Variants in FBXW11 observed in about 807,000 individuals in gnomAD.
The protein encoded by FBXW11 is F-box and WD repeat domain containing 11.
Under a neutral mutation model 77.6 loss-of-function variants are expected in FBXW11, and 19 were observed. The observed-to-expected ratio is 0.24, with a 90% CI of 0.17 to 0.36. FBXW11 has a LOEUF of 0.36. Ranked by LOEUF, FBXW11 falls within the 10% of genes least tolerant of loss-of-function variation. FBXW11 has a pLI of 1.00. For missense variants in FBXW11, 334 were observed against 704.2 expected (o/e 0.47, Z 5.95); for synonymous variants, 235 against 249.4 (o/e 0.94, Z 0.54).
chr5:171,888,549 A>C (rs986168139), intron 7 of FBXW11, among the ~76,000 whole-genome samples: 3 of 152,226 alleles, frequency 2.0e-5, no homozygotes, highest in African/African-American at 7.2e-5. Flanking sequence ...GAACCCAACT[A>C]AGTTGACTAA....
chr5:171,965,052 T>A (rs1474213244), intron 1 of FBXW11, among the ~76,000 whole-genome samples: 2 of 152,052 alleles, frequency 1.3e-5, no homozygotes, highest in East Asian at 3.9e-4. Context: ...AGAAAAAAAA[T>A]AAGGATGAGA....
intron 3 of FBXW11, among the ~76,000 whole-genome samples, chr5:171,912,111 A>C (rs1374848235): frequency 6.6e-6 from 1 of 152,236 alleles, no homozygotes; most frequent in Non-Finnish European, 1.5e-5. Context: ...AAAGTGGACT[A>C]AATCCATCCC....
intron 1 of FBXW11, among the ~76,000 whole-genome samples, chr5:172,001,431 T>C (rs1033059541): frequency 4.3e-4 from 65 of 152,260 alleles, no homozygotes; most frequent in African/African-American, 1.5e-3. Flanking sequence ...TGTCTGAAAA[T>C]GATCACCAGG....
intron 1 of FBXW11, among the ~76,000 whole-genome samples, chr5:172,002,446 G>GTGTGTGTGTGTGTGTGT (rs1766464395): frequency 6.7e-6 from 1 of 149,424 alleles, no homozygotes; most frequent in African/African-American, 2.5e-5. Context: ...GTGTGTGTGT[G>GTGTGTGTGTGTGTGTGT]GTTTATTCAT....
At chr5:171,968,925 C>A (rs1420278218) in intron 1 of FBXW11, among the ~76,000 whole-genome samples, 1 of 152,198 alleles carries the variant, frequency 6.6e-6, no homozygotes, top group Non-Finnish European at 1.5e-5. Context: ...CCTTACCCTA[C>A]TTTCATTTAA....
intron 2 of FBXW11, among the ~76,000 whole-genome samples, chr5:171,940,302 T>C (rs1167640960): frequency 6.6e-6 from 1 of 152,232 alleles, no homozygotes; most frequent in Non-Finnish European, 1.5e-5. Flanking sequence ...TATATCAGTA[T>C]GGACTCACAG....
chr5:171,876,651 A>G lies in FBXW11; in HGVS notation c.972-117T>C. 7.6e-7 allele frequency: 1 copy of G among 1,309,052 alleles called. No individual in the cohort carries two copies. Among genetic ancestry groups the G allele is most frequent in the South Asian group, 1.4e-5 (1 of 71,208 alleles). 81.1% of individuals were successfully genotyped at this position (1,309,052 alleles called of 1,614,324 possible). A position where few individuals can be genotyped will look rare whatever the true frequency, so the allele number is the denominator to read the frequency against. On this transcript the variant is annotated intron_variant, in intron 8 of 13. Transcript: ENST00000517395. This position sits in a 1 kb window ranked among gnomAD's most constrained non-coding sequence, Gnocchi z 4.2. ...TGGATATAGTTTGTCTGACTCTACC[A>G]AATCTCATGTTGAAATTGATCCTCA...
intron 4 of FBXW11, 152 bp downstream of exon 4, chr5:171,910,420 T>C: frequency 1.8e-6 from 1 of 542,482 alleles, no homozygotes; most frequent in Non-Finnish European, 3.3e-6. Context: ...GATACTAAAT[T>C]ATAATTCCTC....
chr5:171,997,981 C>T (rs2113596890), intron 1 of FBXW11, among the ~76,000 whole-genome samples: 1 of 152,140 alleles, frequency 6.6e-6, no homozygotes, highest in South Asian at 2.1e-4. Flanking sequence ...ATTAATTACC[C>T]ATATTTAATT....
chr5:171,922,560 A>T (rs1761656203), intron 2 of FBXW11, among the ~76,000 whole-genome samples: 1 of 152,246 alleles, frequency 6.6e-6, no homozygotes, highest in African/African-American at 2.4e-5. Flanking sequence ...GTGCTCATAC[A>T]TTAACACAAC....
chr5:171,927,593 GC>G, intron 2 of FBXW11, among the ~76,000 whole-genome samples: 1 of 152,316 alleles, frequency 6.6e-6, no homozygotes, highest in South Asian at 2.1e-4. Context: ...ACTGAAAACT[GC>G]ATATATGTAA....
rs921297656 is a variant in FBXW11, at chr5:171,878,248, A to C, written c.853-119T>G. ...ACACACTTGGGTTACAGTAAATAAG[A>C]AACACTGAATAACAAACAGGTAAGA... On this transcript the variant is annotated intron_variant, in intron 7 of 13. Transcript: ENST00000517395. The C allele has an allele frequency of 1.5e-5, 10 of 680,334 alleles. No individual in the cohort carries two copies. In the Admixed American group the frequency reaches 2.7e-4, roughly 19 times the overall value. The allele number at this position is 680,334 out of a possible 1,614,324, so 42.1% of individuals were successfully genotyped here.
intron 1 of FBXW11, among the ~76,000 whole-genome samples, chr5:171,968,465 A>G (rs553327114): frequency 6.6e-6 from 1 of 151,774 alleles, no homozygotes; most frequent in African/African-American, 2.4e-5. Flanking sequence ...TCAAAAAAAA[A>G]AAAAAAGAAT....
At chr5:171,995,548 T>C (rs1005361699) in intron 1 of FBXW11, among the ~76,000 whole-genome samples, 11 of 151,980 alleles carry the variant, frequency 7.2e-5, no homozygotes, top group Non-Finnish European at 1.3e-4. Context: ...GGTCAGGAGA[T>C]CGAGACCATC....
intron 1 of FBXW11, among the ~76,000 whole-genome samples, chr5:171,991,465 T>C (rs1204441319): frequency 5.9e-5 from 9 of 152,212 alleles, no homozygotes; most frequent in Admixed American, 2.6e-4. Context: ...ATAGCTGGCT[T>C]GTATTTAGGC....
chr5:171,983,715 A>C (rs1324310686), intron 1 of FBXW11, among the ~76,000 whole-genome samples: 2 of 152,156 alleles, frequency 1.3e-5, no homozygotes, highest in Non-Finnish European at 2.9e-5. Flanking sequence ...GCAGAGGAAA[A>C]ACATGGTTTG....
At chr5:171,920,935 C>T (rs1232310964) in intron 2 of FBXW11, among the ~76,000 whole-genome samples, 1 of 152,018 alleles carries the variant, frequency 6.6e-6, no homozygotes, top group Non-Finnish European at 1.5e-5. Flanking sequence ...CAAACAAAAC[C>T]TGAGAAAGTG....
intron 2 of FBXW11, among the ~76,000 whole-genome samples, chr5:171,922,369 C>T (rs1300981523): frequency 6.6e-6 from 1 of 152,186 alleles, no homozygotes; most frequent in East Asian, 1.9e-4. Context: ...AACAGCTTTT[C>T]ATTGTTCTTG....
intron 1 of FBXW11, among the ~76,000 whole-genome samples, chr5:171,997,545 ATATTACCCAAATC>A (rs1423545970): frequency 2.9e-4 from 44 of 152,232 alleles, no homozygotes; most frequent in African/African-American, 1.1e-3. Context: ...TCATATCTAC[ATATTACCCAAATC>A]CTCTACCCTT....
Sources: allele counts gnomAD v4.1 joint callset (sites outside exome capture counted in the v4.1 genomes callset), GRCh38; gene constraint gnomAD v4.1.1; non-coding constraint Gnocchi (gnomAD v3.1); transcripts MANE v1.5; gene names NCBI Gene and HGNC (gene_info 2026-07-23, HGNC 2026-07-21).